TNIP3: variants seen among roughly 807,000 people sequenced by gnomAD.
TNIP3 encodes TNFAIP3-interacting protein 3.
In TNIP3, 34 loss-of-function variants were observed where a neutral mutation model predicts 54.1. The ratio of observed to expected loss-of-function variants is 0.63; its 90% CI spans 0.48 to 0.84. TNIP3 has a LOEUF of 0.84. TNIP3 is among the 40% of genes least tolerant of loss of function. The probability of loss-of-function intolerance (pLI) is 0.00; values close to 1 mark genes in which losing one functional copy is unlikely to be tolerated. For missense variants in TNIP3, 366 were observed against 387.6 expected, an observed-to-expected ratio of 0.94 and a Z score of 0.47; for synonymous variants, 134 against 136.8, an observed-to-expected ratio of 0.98 and a Z score of 0.14.
chr4:121,161,131 G>A lies in TNIP3; in HGVS notation c.147+5C>T, dbSNP rs1233661499. 3 of 1,569,958 alleles carry A rather than the reference G, an allele frequency of 1.9e-6. No individual in the cohort carries two copies. Among genetic ancestry groups the A allele is most frequent in the Non-Finnish European group, 2.6e-6 (3 of 1,152,370 alleles). On this transcript the variant is annotated splice_donor_5th_base_variant and intron_variant, in intron 2 of 10. Coordinates refer to ENST00000057513, the MANE Select transcript of TNIP3 (RefSeq NM_024873.6). Reference sequence around the variant, plus strand: ...CTGTGGCTTTAGCGAATATTTCTAAGTTACCTCTTTTCTTTGTTTTTCCAA... The same window carrying A: ...CTGTGGCTTTAGCGAATATTTCTAAATTACCTCTTTTCTTTGTTTTTCCAA...
intron 2 of TNIP3, among the ~76,000 whole-genome samples, chr4:121,191,349 A>G (rs1380112039): frequency 1.3e-5 from 2 of 152,156 alleles, no homozygotes; most frequent in Non-Finnish European, 2.9e-5. Flanking sequence ...GTGGAAATAC[A>G]CTCAGGTGGG....
chr4:121,207,590 GCAGATT>G (rs1423826637), intron 2 of TNIP3, among the ~76,000 whole-genome samples: 2 of 152,150 alleles, frequency 1.3e-5, no homozygotes, highest in African/African-American at 2.4e-5. Context: ...CAATAAGCCT[GCAGATT>G]TGGGGCATGG....
In TNIP3 at chr4:121,190,393, A is replaced by T. The variant is rs372163333; in HGVS notation, c.69-7597T>A. On this transcript the variant is annotated intron_variant, in intron 2 of 12. Coordinates refer to the TNIP3 transcript ENST00000507879. The stretch of plus-strand genomic sequence containing the variant: ...CTCACATACTTATTAAGTATTTGAC[A>T]AGAGAGTAAATTGACAAGAATAACT... Among the ~76,000 whole-genome samples the T allele has an allele frequency of 1.4e-4, 21 of 152,314 alleles. 1 individual carries two copies. The East Asian group carries it at 1.5e-3, about 11-fold the overall frequency.
intron 5 of TNIP3, among the ~76,000 whole-genome samples, chr4:121,153,190 T>G (rs1729867449): frequency 6.6e-6 from 1 of 152,172 alleles, no homozygotes; most frequent in Non-Finnish European, 1.5e-5. Context: ...TGTAGAATTA[T>G]TAAATTATAT....
At chr4:121,167,389 G>A (rs1730823601), upstream of TNIP3, among the ~76,000 whole-genome samples, 1 of 152,130 alleles carries the variant, frequency 6.6e-6, no homozygotes, top group South Asian at 2.1e-4. Context: ...GCTATGGAAA[G>A]AGTCAGAGTT....
rs543417416 is a variant in TNIP3 at position 121,180,401 on chromosome 4, G to GAA, written c.189+2273_189+2274dup. The stretch of plus-strand genomic sequence containing the variant: ...GGCGACAGAGCGAGACTCCGCCTCA[G>GAA]AAAAAAAAAATTATAGATGTCAGAG... On this transcript the variant is annotated intron_variant, in intron 3 of 12. Coordinates refer to the TNIP3 transcript ENST00000507879. 6.7e-3 allele frequency among the ~76,000 whole-genome samples: 1,001 copies of GAA among 148,982 alleles called. 12 individuals carry two copies. The highest frequency in any genetic ancestry group is 0.023 in the African/African-American group (941 of 40,712).
rs142233338 is a variant in TNIP3 at position 121,184,125 on chromosome 4, AT to A, written c.69-1330del. On this transcript the variant is annotated intron_variant, in intron 2 of 12. Transcript: ENST00000507879. The stretch of plus-strand genomic sequence containing the variant: ...CAAGGAAAAATGCATTAATTGTGTG[AT>A]TTTTTTTTCTTTCTCTCTCTCTACA... Among the ~76,000 whole-genome samples the A allele has an allele frequency of 4.6e-3, 690 of 151,192 alleles. 6 individuals carry two copies. The highest frequency in any genetic ancestry group is 0.016 in the African/African-American group (649 of 41,128).
intron 10 of TNIP3, among the ~76,000 whole-genome samples, chr4:121,136,385 T>G (rs1009629295): frequency 6.6e-6 from 1 of 152,172 alleles, no homozygotes; most frequent in Non-Finnish European, 1.5e-5. Context: ...ATTCAAACCA[T>G]ATGTTTTAGA....
At chr4:121,152,887 A>T (rs1729844383) in intron 5 of TNIP3, among the ~76,000 whole-genome samples, 1 of 152,212 alleles carries the variant, frequency 6.6e-6, no homozygotes, top group South Asian at 2.1e-4. Context: ...TGCCTAATGG[A>T]GGAGTTGGCA....
chr4:121,158,181 T>C (rs1338098305), intron 3 of TNIP3, among the ~76,000 whole-genome samples: 1 of 152,228 alleles, frequency 6.6e-6, no homozygotes, highest in East Asian at 1.9e-4. Context: ...TCACCAGAGC[T>C]TCTTGAGAGC....
intron 3 of TNIP3, among the ~76,000 whole-genome samples, chr4:121,178,728 A>G (rs1724505791): frequency 6.6e-6 from 1 of 152,222 alleles, no homozygotes; most frequent in Admixed American, 6.5e-5. Context: ...TTGTAGGGGA[A>G]TTATAGGGAT....
upstream of TNIP3, among the ~76,000 whole-genome samples, chr4:121,217,915 C>T (rs369502455): frequency 1.1e-3 from 161 of 152,156 alleles, no homozygotes; most frequent in African/African-American, 3.4e-3. Flanking sequence ...GTGGAGAACA[C>T]GCTAAGAATT....
chr4:121,157,591 A>G (rs76621735), intron 3 of TNIP3, among the ~76,000 whole-genome samples: 4,294 of 152,268 alleles, frequency 0.028, 107 homozygotes, highest in South Asian at 0.066. Flanking sequence ...CCTGGTCTGG[A>G]AAGGGCAATG....
intron 10 of TNIP3, among the ~76,000 whole-genome samples, chr4:121,134,755 A>G (rs2148791478): frequency 6.6e-6 from 1 of 152,282 alleles, no homozygotes; most frequent in Middle Eastern, 3.4e-3. Context: ...GTCCCTAGTC[A>G]GGAAGCCCTT....
At chr4:121,205,702 G>A (rs986346509) in intron 2 of TNIP3, among the ~76,000 whole-genome samples, 2 of 152,090 alleles carry the variant, frequency 1.3e-5, no homozygotes, top group African/African-American at 4.8e-5. Context: ...CCAGTAGGAG[G>A]GAAAAGGGAA....
chr4:121,179,952 A>G (rs1471982121), intron 3 of TNIP3, among the ~76,000 whole-genome samples: 1 of 152,066 alleles, frequency 6.6e-6, no homozygotes, highest in Non-Finnish European at 1.5e-5. Context: ...AGTCATTGTC[A>G]TATATTTTGT....
chr4:121,197,657 A>G (rs1396230992), intron 2 of TNIP3, among the ~76,000 whole-genome samples: 1 of 152,208 alleles, frequency 6.6e-6, no homozygotes, highest in Non-Finnish European at 1.5e-5. Flanking sequence ...TAACATGTAA[A>G]TCTATTCCAA....
chr4:121,163,497 C>T (rs1730581644), intron 1 of TNIP3, among the ~76,000 whole-genome samples: 1 of 152,154 alleles, frequency 6.6e-6, no homozygotes, highest in South Asian at 2.1e-4. Flanking sequence ...TTCAAAGCAT[C>T]TGGGCACTTC....
intron 2 of TNIP3, among the ~76,000 whole-genome samples, chr4:121,208,501 TCCCAATC>T (rs1299502419): frequency 6.6e-6 from 1 of 152,190 alleles, no homozygotes; most frequent in Non-Finnish European, 1.5e-5. Flanking sequence ...ACTACCCATG[TCCCAATC>T]CCCTACTCAT....
Sources: gnomAD v4.1 joint callset for allele counts (sites outside exome capture counted in the v4.1 genomes callset) on GRCh38, gnomAD v4.1.1 for gene constraint, MANE v1.5 for transcripts, NCBI Gene and HGNC (gene_info 2026-07-23, HGNC 2026-07-21) for gene names.